The following IGSF21 variants were observed in gnomAD, a reference collection of about 807,000 sequenced individuals.
IGSF21 encodes immunoglobin superfamily member 21, also known as immunoglobulin superfamily member 21.
In IGSF21, 28 loss-of-function variants were observed where a neutral mutation model predicts 46.8. The observed-to-expected ratio is 0.60, with a 90% CI of 0.44 to 0.82. The LOEUF is 0.82. Among genes scored for constraint, IGSF21 ranks in the 40% least tolerant of loss-of-function variants. The pLI is 0.00. For synonymous variants in IGSF21, 284 were observed against 273.6 expected (o/e 1.04, Z -0.38); for missense variants, 624 against 665.5 (o/e 0.94, Z 0.69).
At chr1:18,175,010 G>A in intron 1 of IGSF21, among the ~76,000 whole-genome samples, 1 of 152,228 alleles carries the variant, frequency 6.6e-6, no homozygotes, top group East Asian at 1.9e-4. Context: ...CCATCTTGCA[G>A]ATGATGGGTA....
chr1:18,114,612 T>C (rs2086172780), intron 1 of IGSF21: 1 of 152,242 alleles, frequency 6.6e-6, no homozygotes, highest in African/African-American at 2.4e-5. Flanking sequence ...CCTGACTAGA[T>C]ATCTTAACTC....
Position 18,329,252 on chromosome 1 carries a change from C to T in IGSF21, c.306-5640C>T, listed in dbSNP as rs925734261. On this transcript the variant is annotated intron_variant, in intron 3 of 9. Transcript: ENST00000251296. ...AGATTCAGTTAGAGAGGGTAAAATGCTCAGTGCAGTGCCTCCTACTGTAAA... is the reference window on the plus strand; with the variant it reads ...AGATTCAGTTAGAGAGGGTAAAATGTTCAGTGCAGTGCCTCCTACTGTAAA... Among the ~76,000 whole-genome samples the T allele has an allele frequency of 8.5e-5, 13 of 152,336 alleles. 1 individual carries two copies. The highest frequency in any genetic ancestry group is 5.9e-4 in the Admixed American group (9 of 15,308).
At chr1:18,348,596 G>A (rs12062209) in intron 4 of IGSF21, among the ~76,000 whole-genome samples, 1,677 of 152,190 alleles carry the variant, frequency 0.011, 28 homozygotes, top group African/African-American at 0.037. Flanking sequence ...GCAGTGCCTC[G>A]GGCCCAGTGA....
At chr1:18,187,689 C>T (rs1016785729) in intron 1 of IGSF21, among the ~76,000 whole-genome samples, 1 of 152,076 alleles carries the variant, frequency 6.6e-6, no homozygotes, top group Non-Finnish European at 1.5e-5. Flanking sequence ...AGGCACCACC[C>T]TCAAGACCCA....
At chr1:18,325,049 A>G (rs1054994551) in intron 3 of IGSF21, among the ~76,000 whole-genome samples, 15 of 152,196 alleles carry the variant, frequency 9.9e-5, no homozygotes, top group African/African-American at 3.4e-4. Context: ...GCTGAGCTCG[A>G]GTGTAGACCC....
chr1:18,231,921 T>A (rs1384253365), intron 2 of IGSF21, among the ~76,000 whole-genome samples: 1 of 48,594 alleles, frequency 2.1e-5, no homozygotes, highest in Admixed American at 2.6e-4. Flanking sequence ...CATCATTAGA[T>A]CGTGTGTGTG....
At chr1:18,332,692 C>T (rs141557750) in intron 3 of IGSF21, among the ~76,000 whole-genome samples, 23 of 152,256 alleles carry the variant, frequency 1.5e-4, no homozygotes, top group African/African-American at 4.3e-4. Flanking sequence ...AGGGGGACGG[C>T]GTCTTCTCAA....
In IGSF21 at chr1:18,108,081, C is replaced by A; in HGVS notation, c.-48C>A. ...CCCATGGCGAGGGGACCCGCCGCCA[C>A]CGCCTCCACCCCCGCCGCCCCGCCA... On this transcript the variant is annotated 5_prime_UTR_variant, in exon 1 of 10. Transcript: ENST00000251296. 1.1e-6 allele frequency: 1 copy of A among 950,070 alleles called. No homozygotes were observed. Among genetic ancestry groups the A allele is most frequent in the Non-Finnish European group, 1.5e-6 (1 of 689,208 alleles). The allele number at this position is 950,070 out of a possible 1,614,324, so 58.9% of individuals were successfully genotyped here.
At position 18,372,631 on chromosome 1, in the gene IGSF21, T is replaced by TGG. The variant is rs1557666099; in HGVS notation, c.1016-3679_1016-3678insGG. ...ATGGGTGGATGTTTGGATGGATGGA[T>TGG]AGATGGATGGATGGATGGATGGATG... On this transcript the variant is annotated intron_variant, in intron 6 of 9. Coordinates refer to ENST00000251296, the MANE Select transcript of IGSF21 (RefSeq NM_032880.5). Among the ~76,000 whole-genome samples, 1,184 of 149,750 alleles carry TGG rather than the reference T, an allele frequency of 7.9e-3. 47 individuals are homozygous for TGG. The highest frequency in any genetic ancestry group is 0.062 in the Admixed American group (933 of 15,000).
At chr1:18,211,971 T>A (rs1042777132) in intron 1 of IGSF21, among the ~76,000 whole-genome samples, 1 of 152,176 alleles carries the variant, frequency 6.6e-6, no homozygotes, top group African/African-American at 2.4e-5. Context: ...CTGAGGCCCA[T>A]GTGGAGCAGC....
Position 18,322,019 on chromosome 1 carries a change from C to T in IGSF21, c.306-12873C>T, listed in dbSNP as rs1313123860. Among the ~76,000 whole-genome samples the T allele has an allele frequency of 6.6e-6, 1 of 152,208 alleles. No homozygotes were observed. The highest frequency in any genetic ancestry group is 2.4e-5 in the African/African-American group (1 of 41,452). On this transcript the variant is annotated intron_variant, in intron 3 of 9. Transcript: ENST00000251296. This position sits in a 1 kb window ranked among gnomAD's most constrained non-coding sequence, Gnocchi z 4.3. ...TGAGGCATTAACTTGTCCCAGATCA[C>T]TCAACTACAGCATGTTACAGCTGGG... is the stretch of plus-strand genomic sequence containing the variant.
At chr1:18,273,335 C>A (rs190229784) in intron 2 of IGSF21, among the ~76,000 whole-genome samples, 1,115 of 36,742 alleles carry the variant, frequency 0.03, 48 homozygotes, top group African/African-American at 0.1. Flanking sequence ...GCCACCATTC[C>A]TTTCCTTTCC....
At chr1:18,354,626 C>G (rs1489533866) in intron 4 of IGSF21, among the ~76,000 whole-genome samples, 1 of 152,198 alleles carries the variant, frequency 6.6e-6, no homozygotes, top group South Asian at 2.1e-4. Flanking sequence ...CTCCCCTCCC[C>G]CATCCCTCCC....
At chr1:18,176,668 A>G (rs1370647504) in intron 1 of IGSF21, among the ~76,000 whole-genome samples, 2 of 152,170 alleles carry the variant, frequency 1.3e-5, no homozygotes, top group African/African-American at 4.8e-5. Flanking sequence ...CCTTCTTCCC[A>G]CCATGGAAGA....
chr1:18,305,534 T>A (rs2085415831), intron 3 of IGSF21, among the ~76,000 whole-genome samples: 1 of 79,016 alleles, frequency 1.3e-5, no homozygotes, highest in African/African-American at 3.1e-5. Flanking sequence ...GGATTATGAA[T>A]GGATGGATGG....
intron 1 of IGSF21, among the ~76,000 whole-genome samples, chr1:18,175,798 G>A (rs1439281281): frequency 6.6e-6 from 1 of 152,218 alleles, no homozygotes; most frequent in Admixed American, 6.5e-5. Context: ...AAAGCCCAGA[G>A]CAAGGCAGAG....
chr1:18,126,058 A>G (rs2086272271), intron 1 of IGSF21, among the ~76,000 whole-genome samples: 1 of 152,162 alleles, frequency 6.6e-6, no homozygotes, highest in Admixed American at 6.6e-5. Context: ...ATGGGAGGCC[A>G]TAGGCAGGAC....
chr1:18,206,862 G>A (rs1220071664), intron 1 of IGSF21, among the ~76,000 whole-genome samples: 5 of 152,200 alleles, frequency 3.3e-5, no homozygotes, highest in Non-Finnish European at 1.5e-5. Flanking sequence ...TAAACATGAT[G>A]TATTGGTCTG....
intron 4 of IGSF21, among the ~76,000 whole-genome samples, chr1:18,358,046 A>AGTGT (rs1285794287): frequency 1.9e-4 from 28 of 144,758 alleles, no homozygotes; most frequent in South Asian, 4.4e-4. Context: ...AGAGAGAGAG[A>AGTGT]GTGTGTGTGT....
Sources: gnomAD v4.1 joint callset for allele counts (sites outside exome capture counted in the v4.1 genomes callset) on GRCh38, gnomAD v4.1.1 for gene constraint, Gnocchi (gnomAD v3.1) non-coding constraint, MANE v1.5 for transcripts, NCBI Gene and HGNC (gene_info 2026-07-23, HGNC 2026-07-21) for gene names.